The following GRIK1 variants were observed in gnomAD, a reference collection of about 807,000 sequenced individuals.
GRIK1 encodes glutamate ionotropic receptor kainate type subunit 1, also known as glutamate receptor ionotropic, kainate 1.
Under a neutral mutation model 105.7 loss-of-function variants are expected in GRIK1, and 69 were observed. That is an observed-to-expected ratio of 0.65 (90% CI 0.54 to 0.80). The LOEUF is 0.80. GRIK1 is among the 30% of genes least tolerant of loss of function. The pLI, the probability that GRIK1 is intolerant of heterozygous loss-of-function variation, is 0.00. For synonymous variants in GRIK1, 438 were observed against 431.3 expected (o/e 1.02, Z -0.19); for missense variants, 1,109 against 1,167.3 (o/e 0.95, Z 0.73).
chr21:29,897,664 T>C (rs970808981), intron 1 of GRIK1, among the ~76,000 whole-genome samples: 2 of 152,128 alleles, frequency 1.3e-5, no homozygotes, highest in African/African-American at 4.8e-5. Context: ...GGACTTGGAG[T>C]GAATTAATGT....
At chr21:29,746,127 C>T (rs76256572) in intron 1 of GRIK1, among the ~76,000 whole-genome samples, 3,469 of 151,926 alleles carry the variant, frequency 0.023, 69 homozygotes, top group South Asian at 0.048. Flanking sequence ...AAATAAAAAT[C>T]GAGAAAAGAG....
chr21:29,847,447 T>C (rs895903893), intron 1 of GRIK1, among the ~76,000 whole-genome samples: 3 of 152,072 alleles, frequency 2.0e-5, no homozygotes, highest in African/African-American at 7.2e-5. Flanking sequence ...ATACAAAAAT[T>C]AGCTGGGCGT....
intron 1 of GRIK1, among the ~76,000 whole-genome samples, chr21:29,937,909 GT>G (rs34203553): frequency 1.3e-4 from 19 of 151,328 alleles, no homozygotes; most frequent in African/African-American, 4.4e-4. Context: ...ATAGTAGTAA[GT>G]TTTTTTTTAA....
chr21:29,555,443 A>G (rs1291386741), intron 15 of GRIK1, 141 bp from the exon 16 acceptor site: 2 of 729,654 alleles, frequency 2.7e-6, no homozygotes, highest in Non-Finnish European at 4.6e-6. Flanking sequence ...AAAGGACAGG[A>G]AAGTTCACTC....
chr21:29,855,853 G>A (rs1337904403), intron 1 of GRIK1, among the ~76,000 whole-genome samples: 1 of 152,180 alleles, frequency 6.6e-6, no homozygotes, highest in Admixed American at 6.5e-5. Context: ...TCTGACAGAT[G>A]AAATGGGAGA....
intron 1 of GRIK1, among the ~76,000 whole-genome samples, chr21:29,923,774 C>A (rs915524990): frequency 6.6e-6 from 1 of 152,114 alleles, no homozygotes; most frequent in African/African-American, 2.4e-5. Context: ...TTCCCTTCAG[C>A]CTTATGTAAT....
intron 1 of GRIK1, among the ~76,000 whole-genome samples, chr21:29,803,754 T>C (rs996393648): frequency 2.1e-4 from 32 of 152,220 alleles, no homozygotes; most frequent in African/African-American, 6.3e-4. Flanking sequence ...TGTTTTTTTT[T>C]CCCAGCTAAG....
At chr21:29,653,405 C>T (rs1458912535) in intron 5 of GRIK1, among the ~76,000 whole-genome samples, 1 of 152,314 alleles carries the variant, frequency 6.6e-6, no homozygotes, top group East Asian at 1.9e-4. Context: ...TTTGCTACAT[C>T]CCCTTGTGCA....
chr21:29,560,006 C>A (rs1340692392), intron 15 of GRIK1, among the ~76,000 whole-genome samples: 1 of 152,122 alleles, frequency 6.6e-6, no homozygotes, highest in Non-Finnish European at 1.5e-5. Flanking sequence ...TCTGCTTGGC[C>A]TCTGTAAGCA....
intron 1 of GRIK1, among the ~76,000 whole-genome samples, chr21:29,767,125 A>G (rs75660779): frequency 0.032 from 4,814 of 152,346 alleles, 124 homozygotes; most frequent in South Asian, 0.074. Context: ...AAGGAGGGGT[A>G]GAATGGTGCC....
At chr21:29,651,767 A>G (rs1331302174) in intron 5 of GRIK1, among the ~76,000 whole-genome samples, 2 of 151,946 alleles carry the variant, frequency 1.3e-5, no homozygotes, top group Non-Finnish European at 2.9e-5. Context: ...ATATAGGAAA[A>G]ACATAATCTA....
chr21:29,643,908 A>AC (rs547905960), intron 6 of GRIK1, among the ~76,000 whole-genome samples: 211 of 146,198 alleles, frequency 1.4e-3, no homozygotes, highest in African/African-American at 5.5e-3. Context: ...GGGCACACAC[A>AC]TGCACACACA....
At chr21:29,871,907 G>A (rs991557066) in intron 1 of GRIK1, among the ~76,000 whole-genome samples, 2 of 150,838 alleles carry the variant, frequency 1.3e-5, no homozygotes, top group African/African-American at 4.9e-5. Flanking sequence ...GGGACAACAG[G>A]CATGCTCCAG....
intron 7 of GRIK1, among the ~76,000 whole-genome samples, chr21:29,606,665 AAAAAC>A (rs72368755): frequency 0.52 from 77,155 of 149,784 alleles, 22,106 homozygotes; most frequent in African/African-American, 0.78. Context: ...ATCTTTTTTT[AAAAAC>A]AAAACAAAAC....
chr21:29,605,519 A>G (rs13047758), intron 7 of GRIK1, among the ~76,000 whole-genome samples: 15,395 of 152,220 alleles, frequency 0.1, 836 homozygotes, highest in Non-Finnish European at 0.11. Context: ...TCATGCTGCA[A>G]TGAACATAAG....
chr21:29,695,762 C>G (rs560074214), intron 1 of GRIK1, among the ~76,000 whole-genome samples: 27 of 152,244 alleles, frequency 1.8e-4, no homozygotes, highest in South Asian at 1.0e-3. Flanking sequence ...CATGAGCCAC[C>G]GTGCCTGGCC....
rs944271834 is a variant in GRIK1, at chr21:29,685,764, G to T, written c.544+3964C>A. ...ACTTTGAACTGAAAAAGACTGGAAA[G>T]TTCTCAGAAACAAGGTCTTTCTGAC... On this transcript the variant is annotated intron_variant, in intron 3 of 17. Coordinates refer to ENST00000327783, the MANE Select transcript of GRIK1 (RefSeq NM_001330994.2). 4.6e-5 allele frequency among the ~76,000 whole-genome samples: 7 copies of T among 152,256 alleles called. No individual in the cohort carries two copies. In the East Asian group the frequency reaches 1.4e-3, roughly 29 times the overall value.
intron 7 of GRIK1, among the ~76,000 whole-genome samples, chr21:29,606,832 T>A (rs2061631399): frequency 6.6e-6 from 1 of 152,104 alleles, no homozygotes; most frequent in Non-Finnish European, 1.5e-5. Flanking sequence ...TTATGTGTTT[T>A]GATTCTGAGT....
At chr21:29,628,418 C>T (rs1305133905) in intron 7 of GRIK1, among the ~76,000 whole-genome samples, 1 of 152,162 alleles carries the variant, frequency 6.6e-6, no homozygotes, top group East Asian at 1.9e-4. Flanking sequence ...TTGCATGGAT[C>T]ACTGCATAAT....
Sources: allele counts gnomAD v4.1 joint callset (sites outside exome capture counted in the v4.1 genomes callset), GRCh38; gene constraint gnomAD v4.1.1; transcripts MANE v1.5; gene names NCBI Gene and HGNC (gene_info 2026-07-23, HGNC 2026-07-21).